The following LRRC49 variants were observed in gnomAD, a reference collection of about 807,000 sequenced individuals.
The protein encoded by LRRC49 is leucine-rich repeat-containing protein 49.
In LRRC49, 50 loss-of-function variants were observed where a neutral mutation model predicts 83.3. The ratio of observed to expected loss-of-function variants is 0.60; its 90% CI spans 0.48 to 0.76. LRRC49 has a LOEUF of 0.76. Ranked by LOEUF, LRRC49 falls within the 30% of genes least tolerant of loss-of-function variation. The probability of loss-of-function intolerance (pLI) is 0.00; values close to 1 mark genes in which losing one functional copy is unlikely to be tolerated. For missense variants in LRRC49, 704 were observed against 809.1 expected (o/e 0.87, Z 1.58); for synonymous variants, 286 against 283.3 (o/e 1.01, Z -0.10).
intron 14 of LRRC49, among the ~76,000 whole-genome samples, chr15:71,019,796 CTG>C (rs2038938564): frequency 6.6e-6 from 1 of 152,192 alleles, no homozygotes; most frequent in Non-Finnish European, 1.5e-5. Context: ...TTAAATATCA[CTG>C]TCTCTAAATA....
chr15:70,917,622 G>A (rs1209641050), intron 6 of LRRC49, among the ~76,000 whole-genome samples: 3 of 152,160 alleles, frequency 2.0e-5, no homozygotes, highest in African/African-American at 7.2e-5. Context: ...GCTGATAGCT[G>A]AACACTTGTC....
At chr15:70,943,647 C>T (rs572102127) in intron 8 of LRRC49, among the ~76,000 whole-genome samples, 278 of 152,314 alleles carry the variant, frequency 1.8e-3, no homozygotes, top group South Asian at 3.7e-3. Context: ...TCTTCCCTTA[C>T]CAGTCAACTG....
chr15:70,928,811 C>T (rs960282078), intron 7 of LRRC49, among the ~76,000 whole-genome samples: 12 of 152,162 alleles, frequency 7.9e-5, no homozygotes, highest in Non-Finnish European at 1.6e-4. Flanking sequence ...ATGATCCACC[C>T]GCCTTGGCCT....
chr15:70,933,169 A>AT (rs1487940404), intron 7 of LRRC49, among the ~76,000 whole-genome samples: 4 of 152,054 alleles, frequency 2.6e-5, no homozygotes, highest in Non-Finnish European at 5.9e-5. Context: ...GTGGTAAATA[A>AT]TTTTTTCTAT....
At chr15:70,953,403 G>A (rs1022302838) in intron 8 of LRRC49, among the ~76,000 whole-genome samples, 3 of 152,152 alleles carry the variant, frequency 2.0e-5, no homozygotes, top group African/African-American at 7.2e-5. Context: ...AGTTTGGAAT[G>A]ATATGGAATT....
intron 6 of LRRC49, among the ~76,000 whole-genome samples, chr15:70,914,484 C>T (rs772495390): frequency 6.6e-6 from 1 of 151,892 alleles, no homozygotes; most frequent in African/African-American, 2.4e-5. Context: ...GAAATGGAGA[C>T]AAAACAGTTG....
chr15:70,861,563 C>T (rs2032790870), intron 1 of LRRC49, among the ~76,000 whole-genome samples: 1 of 151,968 alleles, frequency 6.6e-6, no homozygotes, highest in Non-Finnish European at 1.5e-5. Flanking sequence ...TTGAGGTGCT[C>T]CCCACAAAGC....
At chr15:70,858,652 C>T (rs1413952495) in intron 1 of LRRC49, 3 of 555,808 alleles carry the variant, frequency 5.4e-6, no homozygotes, top group East Asian at 5.7e-5. Context: ...GAAGCAGCTT[C>T]TCTGCTCCTT....
chr15:71,001,787 G>A (rs2038265049), intron 11 of LRRC49, among the ~76,000 whole-genome samples: 1 of 152,028 alleles, frequency 6.6e-6, no homozygotes, highest in South Asian at 2.1e-4. Flanking sequence ...TGCCTCCCAG[G>A]TTCACACCAT....
At chr15:70,917,804 T>C (rs2034844822) in intron 6 of LRRC49, among the ~76,000 whole-genome samples, 2 of 152,202 alleles carry the variant, frequency 1.3e-5, no homozygotes, top group Admixed American at 1.3e-4. Flanking sequence ...GCATACCTCA[T>C]TCTTCCTGGT....
intron 14 of LRRC49, among the ~76,000 whole-genome samples, chr15:71,015,348 G>T (rs2038791306): frequency 6.6e-6 from 1 of 152,270 alleles, no homozygotes. Context: ...GGACGGTTGG[G>T]GCTAGGGGAT....
intron 11 of LRRC49, among the ~76,000 whole-genome samples, chr15:70,986,432 G>A (rs1362250358): frequency 6.6e-6 from 1 of 151,742 alleles, no homozygotes; most frequent in Non-Finnish European, 1.5e-5. Context: ...TTGGCTCTCT[G>A]TTTGTCTGTT....
At chr15:71,027,187 T>C (rs2039199827) in intron 14 of LRRC49, among the ~76,000 whole-genome samples, 1 of 152,230 alleles carries the variant, frequency 6.6e-6, no homozygotes, top group South Asian at 2.1e-4. Context: ...CAGCACCATT[T>C]ATTAAATAGG....
chr15:70,873,420 A>G (rs1459734845), intron 2 of LRRC49, among the ~76,000 whole-genome samples: 2 of 152,204 alleles, frequency 1.3e-5, no homozygotes, highest in African/African-American at 2.4e-5. Context: ...CCACTAGTGT[A>G]TCAGGTAGTG....
chr15:70,955,679 A>G (rs1196528963), intron 8 of LRRC49, among the ~76,000 whole-genome samples: 1 of 151,990 alleles, frequency 6.6e-6, no homozygotes, highest in Admixed American at 6.5e-5. Flanking sequence ...CATTCTATTT[A>G]CCTCTCTTGG....
intron 8 of LRRC49, among the ~76,000 whole-genome samples, chr15:70,941,192 C>G (rs959726959): frequency 6.6e-6 from 1 of 152,046 alleles, no homozygotes; most frequent in Non-Finnish European, 1.5e-5. Flanking sequence ...ATATGTTCTA[C>G]CGCTTCAGAA....
chr15:70,978,223 A>G (rs537965214), intron 9 of LRRC49, among the ~76,000 whole-genome samples: 1 of 152,148 alleles, frequency 6.6e-6, no homozygotes, highest in South Asian at 2.1e-4. Context: ...AAAACAACAA[A>G]GTTTATTTCA....
chr15:70,908,015 T>C (rs1412660985), intron 5 of LRRC49: 5 of 455,746 alleles, frequency 1.1e-5, no homozygotes, highest in East Asian at 1.4e-4. Context: ...TCATTTCAGG[T>C]GTTGGGGGGT....
At chr15:71,035,677 C>T (rs2039496014) in intron 14 of LRRC49, among the ~76,000 whole-genome samples, 5 of 152,114 alleles carry the variant, frequency 3.3e-5, no homozygotes, top group Admixed American at 3.3e-4. Flanking sequence ...GACATGAATT[C>T]ATCCTTTTTA....
Sources: gnomAD v4.1 joint callset for allele counts (sites outside exome capture counted in the v4.1 genomes callset) on GRCh38, gnomAD v4.1.1 for gene constraint, MANE v1.5 for transcripts, NCBI Gene and HGNC (gene_info 2026-07-23, HGNC 2026-07-21) for gene names.